Variants in RAP1GAP2 observed in about 807,000 individuals in gnomAD.
RAP1GAP2 encodes RAP1 GTPase activating protein 2.
A neutral mutation model predicts 95.0 loss-of-function variants in RAP1GAP2; 27 were observed. That is an observed-to-expected ratio of 0.28 (90% CI 0.21 to 0.39). The LOEUF (loss-of-function observed/expected upper bound fraction) is 0.39, where lower values mean the gene tolerates loss of function less well. Among genes scored for constraint, RAP1GAP2 ranks in the 10% least tolerant of loss-of-function variants. The pLI is 1.00. For synonymous variants in RAP1GAP2, 373 were observed against 380.9 expected (o/e 0.98, Z 0.24); for missense variants, 771 against 970.0 (o/e 0.79, Z 2.72).
In RAP1GAP2 at chr17:2,857,518, G is replaced by A. The variant is rs533275657; in HGVS notation, c.81-47766G>A. On this transcript the variant is annotated intron_variant, in intron 2 of 24. Coordinates refer to ENST00000254695, the MANE Select transcript of RAP1GAP2 (RefSeq NM_015085.5). This position sits in a 1 kb window ranked among gnomAD's most constrained non-coding sequence, Gnocchi z 4.0. ...CATGTTGGACTTGACCGTGCTCTAC[G>A]GGAGCTGTGGGGCAGCCTGGAGGTT... Among the ~76,000 whole-genome samples, 9 of 152,158 alleles carry A rather than the reference G, an allele frequency of 5.9e-5. No individual in the cohort carries two copies. The highest frequency in any genetic ancestry group is 2.2e-4 in the African/African-American group (9 of 41,416).
At chr17:2,851,281 C>A (rs2071835593) in intron 2 of RAP1GAP2, among the ~76,000 whole-genome samples, 1 of 152,088 alleles carries the variant, frequency 6.6e-6, no homozygotes, top group Non-Finnish European at 1.5e-5. Context: ...GGATGGTCTT[C>A]CATTTTTCTT....
intron 3 of RAP1GAP2, among the ~76,000 whole-genome samples, chr17:2,935,682 C>A: frequency 6.6e-6 from 1 of 152,142 alleles, no homozygotes. Context: ...ATGTCAAGCA[C>A]GTTCACATTT....
chr17:2,982,287 C>T (rs775556477), intron 10 of RAP1GAP2, among the ~76,000 whole-genome samples: 16 of 152,262 alleles, frequency 1.1e-4, no homozygotes, highest in East Asian at 5.8e-4. Context: ...TACAGGTGTG[C>T]GCCACCATGC....
At chr17:2,861,731 C>T (rs2072403438) in intron 2 of RAP1GAP2, among the ~76,000 whole-genome samples, 2 of 152,256 alleles carry the variant, frequency 1.3e-5, no homozygotes, top group Admixed American at 1.3e-4. Flanking sequence ...GCTCCGCCTC[C>T]CAGGTTCATG....
intron 2 of RAP1GAP2, among the ~76,000 whole-genome samples, chr17:2,847,032 G>A (rs7223379): frequency 0.012 from 1,852 of 152,182 alleles, 25 homozygotes; most frequent in African/African-American, 0.037. Flanking sequence ...TTTTTGAGAC[G>A]GAGTCTTGCT....
chr17:2,799,228 G>C (rs1447658280), intron 1 of RAP1GAP2, among the ~76,000 whole-genome samples: 1 of 152,214 alleles, frequency 6.6e-6, no homozygotes, highest in East Asian at 1.9e-4. Flanking sequence ...CTGCACCCCA[G>C]AGCGGGTGGG....
At chr17:2,901,914 G>C (rs1280027539) in intron 2 of RAP1GAP2, among the ~76,000 whole-genome samples, 2 of 152,174 alleles carry the variant, frequency 1.3e-5, no homozygotes, top group Non-Finnish European at 2.9e-5. Flanking sequence ...TCTAGGCCAA[G>C]GCTAGAACCT....
In RAP1GAP2 at chr17:2,870,283, A is replaced by AT. The variant is rs1405571063; in HGVS notation, c.81-34994dup. On this transcript the variant is annotated intron_variant, in intron 2 of 24. Transcript: ENST00000254695. This position sits in a 1 kb window ranked among gnomAD's most constrained non-coding sequence, Gnocchi z 4.4. ...AGGCGCCCACCACCACACCTGGCTA[A>AT]TTTTTTTGTATTTTTAGTAAATACG... Among the ~76,000 whole-genome samples the AT allele has an allele frequency of 1.3e-5, 2 of 151,302 alleles. No homozygotes were observed. Among genetic ancestry groups the AT allele is most frequent in the South Asian group, 2.1e-4 (1 of 4,780 alleles).
At chr17:2,989,491 C>T (rs183458129) in intron 11 of RAP1GAP2, among the ~76,000 whole-genome samples, 76 of 152,180 alleles carry the variant, frequency 5.0e-4, no homozygotes, top group African/African-American at 1.7e-3. Flanking sequence ...TGCCACTATG[C>T]CCAGCTGATT....
At position 3,027,542 on chromosome 17, in the gene RAP1GAP2, G is replaced by T. The variant is rs761328157; in HGVS notation, c.2107+472G>T. ...AGGAGAGGAGAGAGCGGGTATTCCG[G>T]AACTGCACGTGTTCATGGCAGCTGG... is the stretch of plus-strand genomic sequence containing the variant. On this transcript the variant is annotated intron_variant, in intron 22 of 24. Transcript: ENST00000254695. This position sits in a 1 kb window ranked among gnomAD's most constrained non-coding sequence, Gnocchi z 5.2. Among the ~76,000 whole-genome samples, 22 of 152,196 alleles carry T rather than the reference G, an allele frequency of 1.4e-4. No individual in the cohort carries two copies. Among genetic ancestry groups the T allele is most frequent in the South Asian group, 8.3e-4 (4 of 4,820 alleles).
intron 1 of RAP1GAP2, among the ~76,000 whole-genome samples, chr17:2,784,541 G>A (rs868812710): frequency 2.0e-5 from 3 of 152,230 alleles, no homozygotes; most frequent in South Asian, 2.1e-4. Context: ...AAAGTGCTGG[G>A]ATTACAGGCG....
chr17:3,028,835 C>T (rs775558529), intron 22 of RAP1GAP2, among the ~76,000 whole-genome samples: 8 of 152,110 alleles, frequency 5.3e-5, no homozygotes, highest in Non-Finnish European at 1.0e-4. Flanking sequence ...GAGTCTCACT[C>T]TGCCACCCAG....
At chr17:2,932,975 G>T (rs2043203518) in intron 3 of RAP1GAP2, among the ~76,000 whole-genome samples, 1 of 152,170 alleles carries the variant, frequency 6.6e-6, no homozygotes, top group Admixed American at 6.6e-5. Context: ...ATTGCGGGAG[G>T]AGGGGAATGG....
At chr17:2,810,977 G>T (rs769881102) in intron 2 of RAP1GAP2, among the ~76,000 whole-genome samples, 7 of 152,054 alleles carry the variant, frequency 4.6e-5, no homozygotes, top group Non-Finnish European at 8.8e-5. Context: ...GAAGCTGACC[G>T]CTGTTTTCAT....
intron 3 of RAP1GAP2, among the ~76,000 whole-genome samples, chr17:2,913,821 A>G (rs1047639067): frequency 6.6e-6 from 1 of 152,140 alleles, no homozygotes; most frequent in Admixed American, 6.6e-5. Context: ...CCCCTTGAGG[A>G]GCAAACAGTG....
chr17:2,775,900 C>T (rs147261217), upstream of RAP1GAP2, among the ~76,000 whole-genome samples: 824 of 152,250 alleles, frequency 5.4e-3, 10 homozygotes, highest in Non-Finnish European at 6.4e-3. Flanking sequence ...AGTTCCAGGC[C>T]GAGCGCGGTG....
At chr17:2,953,621 C>A (rs1283026064) in intron 3 of RAP1GAP2, among the ~76,000 whole-genome samples, 1 of 152,138 alleles carries the variant, frequency 6.6e-6, no homozygotes, top group Non-Finnish European at 1.5e-5. Context: ...CCAAGGTGGG[C>A]AGATCACCTG....
intron 3 of RAP1GAP2, among the ~76,000 whole-genome samples, chr17:2,924,023 A>G (rs2042876924): frequency 1.3e-5 from 2 of 152,258 alleles, no homozygotes; most frequent in Non-Finnish European, 2.9e-5. Flanking sequence ...CCTCTCTGTA[A>G]GAGATATTAA....
intron 12 of RAP1GAP2, 38 bp from the exon 13 acceptor site, chr17:2,995,299 C>T (rs750826547): frequency 6.2e-7 from 1 of 1,605,322 alleles, no homozygotes. Flanking sequence ...TTGCCTCACT[C>T]TCTTTTCTCC....
Sources: allele counts gnomAD v4.1 joint callset (sites outside exome capture counted in the v4.1 genomes callset), GRCh38; gene constraint gnomAD v4.1.1; non-coding constraint Gnocchi (gnomAD v3.1); transcripts MANE v1.5; gene names NCBI Gene and HGNC (gene_info 2026-07-23, HGNC 2026-07-21).